ZNF44: variants seen among roughly 807,000 people sequenced by gnomAD.
ZNF44 encodes gonadotropin inducible transcription repressor-2.
ZNF44 carries 9 observed loss-of-function variants against 11.7 expected under a neutral mutation model. That is an observed-to-expected ratio of 0.77 (90% CI 0.46 to 1.35). The LOEUF (loss-of-function observed/expected upper bound fraction) is 1.35, where lower values mean the gene tolerates loss of function less well. Among genes scored for constraint, ZNF44 ranks in the 40% most tolerant of loss-of-function variants. The pLI, the probability that ZNF44 is intolerant of heterozygous loss-of-function variation, is 0.00. For missense variants in ZNF44, 696 were observed against 743.1 expected (o/e 0.94, Z 0.74); for synonymous variants, 224 against 242.7 (o/e 0.92, Z 0.72).
chr19:12,292,996 T>C (rs575944861), intron 1 of ZNF44, among the ~76,000 whole-genome samples: 1 of 150,906 alleles, frequency 6.6e-6, no homozygotes, highest in Admixed American at 6.6e-5. Flanking sequence ...CAGCCTCCCA[T>C]GTAGCTGGGA....
intron 3 of ZNF44, among the ~76,000 whole-genome samples, 186 bp from the exon 4 acceptor site, chr19:12,274,249 C>T (rs1335890613): frequency 1.3e-5 from 2 of 148,582 alleles, no homozygotes; most frequent in Non-Finnish European, 3.0e-5. Context: ...ATGATATGCA[C>T]ATGGGGATTC....
At chr19:12,280,960 A>C (rs886686300) in intron 1 of ZNF44, among the ~76,000 whole-genome samples, 22 of 152,236 alleles carry the variant, frequency 1.4e-4, no homozygotes, top group Non-Finnish European at 2.6e-4. Flanking sequence ...AAAAACATAT[A>C]AAACCACAAG....
chr19:12,243,296 T>C (rs185742107), downstream of ZNF44, among the ~76,000 whole-genome samples: 10 of 152,334 alleles, frequency 6.6e-5, no homozygotes, highest in African/African-American at 2.4e-4. Context: ...CCAGAACGTG[T>C]TCACCTTACA....
chr19:12,254,705 A>C (rs1438319529), intron 5 of ZNF44, among the ~76,000 whole-genome samples: 2 of 152,112 alleles, frequency 1.3e-5, no homozygotes, highest in Non-Finnish European at 2.9e-5. Flanking sequence ...ACTGCACTCC[A>C]GCCTGGGCGA....
rs547754336 is a variant in ZNF44, at chr19:12,272,961, T to C, written c.1294A>G (p.Thr432Ala). The C allele has an allele frequency of 6.2e-7, 1 of 1,612,740 alleles. No individual in the cohort carries two copies. Among genetic ancestry groups the C allele is most frequent in the African/African-American group, 1.3e-5 (1 of 74,632 alleles). The change falls in exon 4 of 4, where the codon ACT becomes GCT. Residue 432 changes from threonine to alanine, a missense_variant. Transcript: ENST00000355684. ...ECKQCGKAFRTSSSLRKHETT... is the reference protein window; with the variant it reads ...ECKQCGKAFRASSSLRKHETT... Reference sequence around the variant, plus strand: ...TCATGTTTTCGAAGGGAACTGGAAGTACGGAAGGCTTTCCCACATTGCTTG... The same window carrying C: ...TCATGTTTTCGAAGGGAACTGGAAGCACGGAAGGCTTTCCCACATTGCTTG...
At chr19:12,227,323 G>A (rs1032303887) in intron 3 of ZNF44, among the ~76,000 whole-genome samples, 7 of 152,194 alleles carry the variant, frequency 4.6e-5, no homozygotes, top group East Asian at 1.9e-4. Flanking sequence ...AGGATAGGCC[G>A]GGCGTGGTGG....
At chr19:12,255,242 T>C (rs1917197564) in intron 5 of ZNF44, among the ~76,000 whole-genome samples, 2 of 152,016 alleles carry the variant, frequency 1.3e-5, no homozygotes, top group South Asian at 2.1e-4. Context: ...GCATGTGCTT[T>C]AGGAAATTAG....
At chr19:12,242,036 T>C (rs1041151267), upstream of ZNF44, among the ~76,000 whole-genome samples, 1 of 151,904 alleles carries the variant, frequency 6.6e-6, no homozygotes, top group East Asian at 1.9e-4. Context: ...TACCAAGGGA[T>C]GGGGATGGGA....
chr19:12,271,225 C>G (rs1403636038), downstream of ZNF44, among the ~76,000 whole-genome samples: 1 of 152,172 alleles, frequency 6.6e-6, no homozygotes, highest in Non-Finnish European at 1.5e-5. Flanking sequence ...AAAAAAGCTT[C>G]TGTGTCATAT....
At chr19:12,240,611 A>C (rs1196812211), upstream of ZNF44, among the ~76,000 whole-genome samples, 1 of 152,172 alleles carries the variant, frequency 6.6e-6, no homozygotes, top group African/African-American at 2.4e-5. Flanking sequence ...GTAGGGACAG[A>C]CATACAGAAC....
intron 2 of ZNF44, among the ~76,000 whole-genome samples, chr19:12,232,989 A>G (rs1184577389): frequency 6.6e-6 from 1 of 152,054 alleles, no homozygotes; most frequent in East Asian, 1.9e-4. Context: ...CATCGTGGAC[A>G]AGCACCTCAT....
chr19:12,236,123 G>T (rs1916377878), intron 1 of ZNF44, among the ~76,000 whole-genome samples: 1 of 152,208 alleles, frequency 6.6e-6, no homozygotes, highest in South Asian at 2.1e-4. Flanking sequence ...ATAATATTTT[G>T]AATCGATGAA....
chr19:12,274,951 G>A (rs760633446), intron 3 of ZNF44, 22 bp downstream of exon 3: 1 of 1,558,804 alleles, frequency 6.4e-7, no homozygotes, highest in South Asian at 1.2e-5. Context: ...GACATCACCT[G>A]TCTCTTATAA....
chr19:12,282,468 C>T (rs1967515344), intron 1 of ZNF44, among the ~76,000 whole-genome samples: 2 of 146,926 alleles, frequency 1.4e-5, no homozygotes, highest in Admixed American at 1.4e-4. Flanking sequence ...GTCACCCAGG[C>T]TGGAGTGCAA....
At chr19:12,244,232 G>A (rs990589804), downstream of ZNF44, among the ~76,000 whole-genome samples, 1 of 151,940 alleles carries the variant, frequency 6.6e-6, no homozygotes, top group African/African-American at 2.4e-5. Context: ...GCCCAGGTTG[G>A]TCCCAGATTC....
Position 12,273,418 on chromosome 19 carries a change from T to C in ZNF44, c.837A>G (p.Lys279=). The change falls in exon 4 of 4, where the codon AAA becomes AAG. Residue 279 remains lysine (K), a synonymous_variant. Transcript: ENST00000355684. ...LRHERTHTGE[K]PYKCKQCGKA... ...TCCCACATTGTTTACATTTGTAGGG[T>C]TTCTCTCCAGTGTGAGTTCTTTCAT... The C allele has an allele frequency of 1.2e-6, 2 of 1,614,086 alleles. No homozygotes were observed. Among genetic ancestry groups the C allele is most frequent in the South Asian group, 1.1e-5 (1 of 91,076 alleles).
chr19:12,250,167 G>C lies in ZNF44; in HGVS notation c.*125+75C>G, dbSNP rs187719425. The C allele has an allele frequency of 4.5e-3, 5,680 of 1,273,338 alleles. 23 individuals are homozygous for C. Among genetic ancestry groups the C allele is most frequent in the Non-Finnish European group, 5.5e-3 (5,420 of 980,882 alleles). 78.9% of individuals were successfully genotyped at this position (1,273,338 alleles called of 1,614,324 possible). A position where few individuals can be genotyped will look rare whatever the true frequency, so the allele number is the denominator to read the frequency against. On this transcript the variant is annotated intron_variant and NMD_transcript_variant, in intron 6 of 7. Transcript: ENST00000393337. ...TTTGCCTTTTCACATTCCACATCTT[G>C]GAATAGCATTGATATCCAAGAAAAA...
downstream of ZNF44, among the ~76,000 whole-genome samples, chr19:12,246,053 C>A (rs1916760086): frequency 6.6e-6 from 1 of 152,204 alleles, no homozygotes; most frequent in Non-Finnish European, 1.5e-5. Flanking sequence ...CCTCATTTGT[C>A]CCTATGCATC....
At chr19:12,239,008 G>C (rs911928732), upstream of ZNF44, among the ~76,000 whole-genome samples, 4 of 152,176 alleles carry the variant, frequency 2.6e-5, no homozygotes, top group African/African-American at 9.7e-5. Flanking sequence ...TTCACCAGCA[G>C]GAAACTCTCA....
Sources: gnomAD v4.1 joint callset for allele counts (sites outside exome capture counted in the v4.1 genomes callset) on GRCh38, gnomAD v4.1.1 for gene constraint, MANE v1.5 for transcripts, NCBI Gene and HGNC (gene_info 2026-07-23, HGNC 2026-07-21) for gene names.